The following MICU1 variants were observed in gnomAD, a reference collection of about 807,000 sequenced individuals.
MICU1 encodes the protein mitochondrial calcium uptake 1, also known as calcium uptake protein 1, mitochondrial.
In MICU1, 45 loss-of-function variants were observed where a neutral mutation model predicts 56.8. The ratio of observed to expected loss-of-function variants is 0.79; its 90% CI spans 0.62 to 1.02. The LOEUF (loss-of-function observed/expected upper bound fraction) is 1.02. MICU1 is among the 50% of genes least tolerant of loss of function. The pLI is 0.00. For synonymous variants in MICU1, 186 were observed against 195.1 expected (o/e 0.95, Z 0.39); for missense variants, 504 against 587.1 (o/e 0.86, Z 1.46).
chr10:72,585,211 C>G (rs1330669303), intron 1 of MICU1, among the ~76,000 whole-genome samples: 1 of 151,794 alleles, frequency 6.6e-6, no homozygotes, highest in African/African-American at 2.4e-5. Context: ...CTCAGCCTCC[C>G]GAGCAGCTGG....
chr10:72,611,797 AG>A (rs1841857121), intron 1 of MICU1, among the ~76,000 whole-genome samples: 1 of 152,052 alleles, frequency 6.6e-6, no homozygotes, highest in Non-Finnish European at 1.5e-5. Flanking sequence ...GAGAGGGAAC[AG>A]GCCAGGGAGG....
intron 9 of MICU1, among the ~76,000 whole-genome samples, chr10:72,418,170 G>A (rs1036160773): frequency 6.6e-6 from 1 of 152,152 alleles, no homozygotes; most frequent in Non-Finnish European, 1.5e-5. Context: ...CAGGACATAT[G>A]GGGATTATGG....
chr10:72,591,632 G>C (rs1191862622), intron 1 of MICU1, among the ~76,000 whole-genome samples: 1 of 152,012 alleles, frequency 6.6e-6, no homozygotes, highest in East Asian at 1.9e-4. Context: ...TAGATAAGAT[G>C]GACCAATTCC....
intron 3 of MICU1, among the ~76,000 whole-genome samples, chr10:72,555,808 C>G (rs1301838549): frequency 1.3e-5 from 2 of 152,204 alleles, no homozygotes; most frequent in African/African-American, 4.8e-5. Context: ...ATTTAATTGT[C>G]TGTTTCAGTT....
rs887280751 is a variant in MICU1 at position 72,404,063 on chromosome 10, C to G, written c.1180+3866G>C. Among the ~76,000 whole-genome samples, 3 of 151,776 alleles carry G rather than the reference C, an allele frequency of 2.0e-5. No homozygotes were observed. In the East Asian group the frequency reaches 5.8e-4, roughly 29 times the overall value. The stretch of plus-strand genomic sequence containing the variant: ...GGAGTAGAGTGGTGAGATCTCAGCT[C>G]AGTGTAACCTCTGCCTCCTGGGTTC... On this transcript the variant is annotated intron_variant, in intron 10 of 11. Transcript: ENST00000361114.
chr10:72,397,494 G>A (rs550988998), intron 10 of MICU1, among the ~76,000 whole-genome samples: 54 of 152,282 alleles, frequency 3.5e-4, no homozygotes, highest in African/African-American at 1.3e-3. Flanking sequence ...TGGCAAATTG[G>A]ATAAAGAATC....
At chr10:72,574,807 C>T (rs1840700872) in intron 1 of MICU1, among the ~76,000 whole-genome samples, 1 of 152,090 alleles carries the variant, frequency 6.6e-6, no homozygotes. Context: ...TTCACTTAAG[C>T]TGCTTAGAAA....
At chr10:72,376,572 G>A (rs1310537368) in intron 10 of MICU1, among the ~76,000 whole-genome samples, 1 of 152,134 alleles carries the variant, frequency 6.6e-6, no homozygotes, top group Non-Finnish European at 1.5e-5. Context: ...GGAGGCAGAG[G>A]TTTCAATGAG....
chr10:72,485,303 C>T (rs1432774735), intron 6 of MICU1, among the ~76,000 whole-genome samples: 2 of 151,858 alleles, frequency 1.3e-5, no homozygotes, highest in East Asian at 3.9e-4. Context: ...GTCTCGATTT[C>T]CTGGGCTCAA....
At chr10:72,446,589 A>G (rs1171831034) in intron 8 of MICU1, among the ~76,000 whole-genome samples, 2 of 152,196 alleles carry the variant, frequency 1.3e-5, no homozygotes, top group Admixed American at 6.5e-5. Flanking sequence ...TCAGCCTCCC[A>G]AAGTGGTGAG....
chr10:72,589,133 C>A (rs1015946815), intron 1 of MICU1, among the ~76,000 whole-genome samples: 1 of 151,858 alleles, frequency 6.6e-6, no homozygotes, highest in Non-Finnish European at 1.5e-5. Flanking sequence ...ACTAAAAATA[C>A]AAAAAATTAG....
chr10:72,560,431 T>C (rs7093530), intron 3 of MICU1: 66,806 of 152,098 alleles, frequency 0.44, 18,345 homozygotes, highest in Non-Finnish European at 0.64. Context: ...GCACATTTCT[T>C]TATAGTAAGA....
intron 1 of MICU1, among the ~76,000 whole-genome samples, chr10:72,624,588 T>C (rs1175118499): frequency 6.6e-6 from 1 of 152,168 alleles, no homozygotes; most frequent in Non-Finnish European, 1.5e-5. Flanking sequence ...ACACTTTTGT[T>C]CTCTTGCATT....
chr10:72,439,136 A>G (rs374386512), intron 8 of MICU1, among the ~76,000 whole-genome samples: 1 of 152,372 alleles, frequency 6.6e-6, no homozygotes, highest in African/African-American at 2.4e-5. Context: ...ATGAACATCA[A>G]TGCAAAAATC....
intron 8 of MICU1, among the ~76,000 whole-genome samples, chr10:72,456,946 G>GGTGTGTGTGTGTGTGT (rs71018292): frequency 4.0e-4 from 47 of 117,788 alleles, no homozygotes; most frequent in African/African-American, 1.5e-3. Flanking sequence ...ATATTGCCCA[G>GGTGTGTGTGTGTGTGT]GTGTGTGTGT....
At position 72,432,534 on chromosome 10, in the gene MICU1, G is replaced by T. The variant is rs1027951288; in HGVS notation, c.934-9163C>A. Among the ~76,000 whole-genome samples the T allele has an allele frequency of 3.3e-5, 5 of 152,330 alleles. No homozygotes were observed. The East Asian group carries it at 9.6e-4, about 29-fold the overall frequency. On this transcript the variant is annotated intron_variant, in intron 8 of 11. Transcript: ENST00000361114. Reference sequence around the variant, plus strand: ...GTTTATTTTGGTTCTGCAGGCTATAGGGGAAGGATGGTGCCAGCCTCTGCT... The same window carrying T: ...GTTTATTTTGGTTCTGCAGGCTATATGGGAAGGATGGTGCCAGCCTCTGCT...
chr10:72,551,475 ATACT>A (rs1840034102), intron 3 of MICU1, 134 bp from the exon 4 acceptor site: 1 of 594,546 alleles, frequency 1.7e-6, no homozygotes, highest in Non-Finnish European at 2.5e-6. Context: ...ATTTTTTTCT[ATACT>A]TAGTTTTTTA....
At chr10:72,467,046 T>C (rs746059162) in intron 8 of MICU1, among the ~76,000 whole-genome samples, 4 of 152,312 alleles carry the variant, frequency 2.6e-5, no homozygotes, top group Non-Finnish European at 5.9e-5. Flanking sequence ...TTGCCCAGGC[T>C]GGAGTGCAGT....
In MICU1 at chr10:72,442,036, A is replaced by G. The variant is rs150098492; in HGVS notation, c.934-18665T>C. Among the ~76,000 whole-genome samples the G allele has an allele frequency of 2.8e-3, 425 of 152,366 alleles. 3 individuals are homozygous for G. The highest frequency in any genetic ancestry group is 9.6e-3 in the African/African-American group (401 of 41,580). ...TAGACTACAATCTAATGATTAGAAT[A>G]TCGAAACCTGTCTAATAGAGGCAAA... On this transcript the variant is annotated intron_variant, in intron 8 of 11. Coordinates refer to ENST00000361114, the MANE Select transcript of MICU1 (RefSeq NM_001195518.2).
Sources: allele counts gnomAD v4.1 joint callset (sites outside exome capture counted in the v4.1 genomes callset), GRCh38; gene constraint gnomAD v4.1.1; transcripts MANE v1.5; gene names NCBI Gene and HGNC (gene_info 2026-07-23, HGNC 2026-07-21).